The following POLD3 variants were observed in gnomAD, a reference collection of about 807,000 sequenced individuals.
The protein encoded by POLD3 is DNA polymerase delta 3, accessory subunit.
In POLD3, 19 loss-of-function variants were observed where a neutral mutation model predicts 58.2. The observed-to-expected ratio is 0.33, with a 90% CI of 0.23 to 0.48. The LOEUF (loss-of-function observed/expected upper bound fraction) is 0.48, where lower values mean the gene tolerates loss of function less well. POLD3 is among the 20% of genes least tolerant of loss of function. The pLI, the probability that POLD3 is intolerant of heterozygous loss-of-function variation, is 0.99. For missense variants in POLD3, 504 were observed against 545.5 expected, an observed-to-expected ratio of 0.92 and a Z score of 0.76; for synonymous variants, 172 against 193.5, an observed-to-expected ratio of 0.89 and a Z score of 0.92.
chr11:74,663,979 A>G (rs1167359571), intron 4 of POLD3, among the ~76,000 whole-genome samples: 2 of 152,220 alleles, frequency 1.3e-5, no homozygotes, highest in Non-Finnish European at 2.9e-5. Flanking sequence ...TGGGCAAAAA[A>G]TAAGAACCGG....
At chr11:74,650,713 T>G (rs2033058230) in intron 4 of POLD3, among the ~76,000 whole-genome samples, 8 of 152,180 alleles carry the variant, frequency 5.3e-5, no homozygotes, top group Admixed American at 5.2e-4. Flanking sequence ...CTCAGTCCAC[T>G]CATTCAATAG....
chr11:74,657,055 A>G (rs907088703), intron 4 of POLD3, among the ~76,000 whole-genome samples: 2 of 141,908 alleles, frequency 1.4e-5, no homozygotes, highest in African/African-American at 2.6e-5. Context: ...GTCTCTTACA[A>G]TTTTTGTCTT....
chr11:74,629,305 G>A lies in POLD3; in HGVS notation c.988G>A (p.Asp330Asn), dbSNP rs991963602. Residue 330 changes from aspartate (D) to asparagine (N), a missense_variant, in exon 9 of 12, where the codon GAT becomes AAT. Coordinates refer to ENST00000263681, the MANE Select transcript of POLD3 (RefSeq NM_006591.3). Reference sequence around the variant, plus strand: ...GAGAAGAATCAAACTTCCTGAATCTGATAGCAGTGAAGATGAAGGTGGGCA... The same window carrying A: ...GAGAAGAATCAAACTTCCTGAATCTAATAGCAGTGAAGATGAAGGTGGGCA... The part of the protein sequence containing the change: ...KRRRIKLPES[D>N]SSEDEVFPDS... 7.5e-6 allele frequency: 12 copies of A among 1,601,564 alleles called. No individual in the cohort carries two copies. Among genetic ancestry groups the A allele is most frequent in the Non-Finnish European group, 7.7e-6 (9 of 1,170,680 alleles).
chr11:74,642,263 G>A lies in POLD3; in HGVS notation c.*1497G>A, dbSNP rs571537141. On this transcript the variant is annotated 3_prime_UTR_variant, in exon 12 of 12. Coordinates refer to ENST00000263681, the MANE Select transcript of POLD3 (RefSeq NM_006591.3). ...TCCTGGCATTATGTCTAGGACTAAA[G>A]CAGTGGCTTTGTATAGCAAGCTGAG... 4.5e-5 allele frequency: 44 copies of A among 985,188 alleles called. No homozygotes were observed. In the South Asian group the frequency reaches 6.6e-4, roughly 15 times the overall value. The allele number at this position is 985,188 out of a possible 1,614,324, so 61.0% of individuals were successfully genotyped here.
chr11:74,607,843 C>T (rs926443676), intron 3 of POLD3, among the ~76,000 whole-genome samples: 1 of 151,954 alleles, frequency 6.6e-6, no homozygotes, highest in Non-Finnish European at 1.5e-5. Flanking sequence ...AGTGATCTGC[C>T]CTTCTCGGCC....
At chr11:74,619,090 C>T (rs2032170728) in intron 6 of POLD3, among the ~76,000 whole-genome samples, 1 of 152,192 alleles carries the variant, frequency 6.6e-6, no homozygotes, top group Non-Finnish European at 1.5e-5. Flanking sequence ...CATGTGAAAA[C>T]ACCTCGAGAA....
intron 3 of POLD3, among the ~76,000 whole-genome samples, chr11:74,610,645 T>C (rs2031879314): frequency 6.6e-6 from 1 of 152,228 alleles, no homozygotes; most frequent in Non-Finnish European, 1.5e-5. Context: ...TTTTTTTCAT[T>C]TAAAAGTTGC....
chr11:74,665,981 A>G (rs2033263589), intron 4 of POLD3, among the ~76,000 whole-genome samples: 1 of 152,236 alleles, frequency 6.6e-6, no homozygotes, highest in South Asian at 2.1e-4. Context: ...TTCAGATGAC[A>G]TGATCTTCTA....
intron 4 of POLD3, among the ~76,000 whole-genome samples, chr11:74,657,710 T>C (rs1401582420): frequency 1.3e-5 from 2 of 152,246 alleles, no homozygotes; most frequent in African/African-American, 2.4e-5. Context: ...TATAATAGTC[T>C]GTTTTTCTGT....
Position 74,634,670 on chromosome 11 carries a change from CTG to C in POLD3, c.1095_1096del (p.Glu366AlafsTer2). On this transcript the variant is annotated frameshift_variant, in exon 10 of 12. Transcript: ENST00000263681. LOFTEE classifies it high-confidence loss of function. Reference sequence around the variant, plus strand: ...CCACCTCTTGAACCAGTGCCAAAGACTGAGCCTGAACCTCCTTCTGTCAAGGT... The same window carrying C: ...CCACCTCTTGAACCAGTGCCAAAGACAGCCTGAACCTCCTTCTGTCAAGGT... 6.2e-7 allele frequency: 1 copy of C among 1,609,928 alleles called. No individual in the cohort carries two copies. The highest frequency in any genetic ancestry group is 8.5e-7 in the Non-Finnish European group (1 of 1,176,188).
At position 74,618,802 on chromosome 11, in the gene POLD3, A is replaced by G. The variant is rs993175051; in HGVS notation, c.658A>G (p.Asn220Asp). The change falls in exon 6 of 12, where the codon AAT becomes GAT. Residue 220 changes from asparagine (N) to aspartate (D), a missense_variant and splice_region_variant. By Grantham distance (23) the Asn-to-Asp change is conservative. Coordinates refer to ENST00000263681, the MANE Select transcript of POLD3 (RefSeq NM_006591.3). Reference protein sequence around the residue: ...ETKTEAKEVTNASAAGNKAPG... With the variant: ...ETKTEAKEVTDASAAGNKAPG... ...GAAAACAGAGGCTAAAGAAGTAACA[A>G]ATGTAAGTCTTCTTTGAAGATACCC... The G allele has an allele frequency of 6.2e-7, 1 of 1,608,604 alleles. No homozygotes were observed. The highest frequency in any genetic ancestry group is 8.5e-7 in the Non-Finnish European group (1 of 1,175,826).
intron 7 of POLD3, among the ~76,000 whole-genome samples, chr11:74,624,852 T>A (rs560244885): frequency 6.6e-6 from 1 of 152,322 alleles, no homozygotes; most frequent in East Asian, 1.9e-4. Context: ...GATAATCTTG[T>A]AAATATTATC....
Position 74,652,230 on chromosome 11 carries a change from C to G in POLD3, c.369+15955C>G, listed in dbSNP as rs117321262. On this transcript the variant is annotated intron_variant, in intron 4 of 4. Coordinates refer to the POLD3 transcript ENST00000524752. The stretch of plus-strand genomic sequence containing the variant: ...AACTTTTAAGCAAGTCTGTTAGCAA[C>G]AAATCCCTCCAGAGCATTATGCTTG... Among the ~76,000 whole-genome samples, 411 of 152,320 alleles carry G rather than the reference C, an allele frequency of 2.7e-3. 1 individual carries two copies. Among genetic ancestry groups the G allele is most frequent in the South Asian group, 8.3e-3 (40 of 4,828 alleles).
rs779963582 is a variant in POLD3, at chr11:74,618,697, G to T, written c.553G>T (p.Val185Phe). ...TCATGGCCCACCTGCATCCAAGCAG[G>T]TTTCCCAGCAGCCCAAAGGAATTAT... ...NGHGPPASKQ[V>F]SQQPKGIMGM... is the part of the protein sequence containing the mutation. The change falls in exon 6 of 12, where the codon GTT becomes TTT. Residue 185 changes from valine to phenylalanine, a missense_variant. This residue lies in a region of POLD3 where 385 missense variants were observed against 370.5 expected (regional missense o/e 1.04). Coordinates refer to ENST00000263681, the MANE Select transcript of POLD3 (RefSeq NM_006591.3). The T allele has an allele frequency of 5.7e-5, 92 of 1,614,166 alleles. No individual in the cohort carries two copies. The highest frequency in any genetic ancestry group is 9.9e-5 in the South Asian group (9 of 91,086).
intron 2 of POLD3, among the ~76,000 whole-genome samples, chr11:74,601,043 A>T (rs1421134852): frequency 6.6e-6 from 1 of 152,152 alleles, no homozygotes; most frequent in Non-Finnish European, 1.5e-5. Flanking sequence ...TTAAAATAAG[A>T]GTTTGCTTTG....
chr11:74,640,055 A>G (rs1343958753), intron 11 of POLD3, among the ~76,000 whole-genome samples: 2 of 152,198 alleles, frequency 1.3e-5, no homozygotes, highest in Admixed American at 1.3e-4. Context: ...AGAGCTAGAC[A>G]GGAGGGTCCA....
chr11:74,618,620 A>G lies in POLD3; in HGVS notation c.476A>G (p.His159Arg). 1 of 1,614,144 alleles carries G rather than the reference A, an allele frequency of 6.2e-7. No individual in the cohort carries two copies. Among genetic ancestry groups the G allele is most frequent in the Non-Finnish European group, 8.5e-7 (1 of 1,179,990 alleles). ...TCTTCCAAAAAGTTTGAGCAGTCAC[A>G]TCTTCACATGTCAAGTGAGACACAA... is the stretch of plus-strand genomic sequence containing the variant. Reference protein sequence around the residue: ...SSSSKKFEQSHLHMSSETQAN... With the variant: ...SSSSKKFEQSRLHMSSETQAN... The change falls in exon 6 of 12, where the codon CAT becomes CGT. Residue 159 changes from histidine to arginine, a missense_variant. Physicochemically the swap from His to Arg is conservative, Grantham distance 29 (BLOSUM62 0). Around this residue, in one of 2 missense-constraint regions of POLD3, gnomAD observed 385 missense variants for 370.5 expected, o/e 1.04. Transcript: ENST00000263681.
At chr11:74,624,043 A>G (rs2032351122) in intron 7 of POLD3, among the ~76,000 whole-genome samples, 1 of 152,212 alleles carries the variant, frequency 6.6e-6, no homozygotes, top group African/African-American at 2.4e-5. Flanking sequence ...CTTAATCCAT[A>G]GGTAGGTAGG....
At chr11:74,623,293 G>A (rs1053014548) in intron 7 of POLD3, among the ~76,000 whole-genome samples, 2 of 152,044 alleles carry the variant, frequency 1.3e-5, no homozygotes, top group African/African-American at 4.8e-5. Flanking sequence ...AAATTAGCTG[G>A]GCCTGTTGGT....
Sources: gnomAD v4.1 joint callset for allele counts (sites outside exome capture counted in the v4.1 genomes callset) on GRCh38, gnomAD v4.1.1 for gene constraint, gnomAD v4.1.1 regional missense constraint, MANE v1.5 for transcripts, NCBI Gene and HGNC (gene_info 2026-07-23, HGNC 2026-07-21) for gene names.